Variants in LONRF2 observed in about 807,000 individuals in gnomAD.
LONRF2 encodes the protein LON peptidase N-terminal domain and RING finger protein 2.
In LONRF2, 35 loss-of-function variants were observed where a neutral mutation model predicts 66.6. That is an observed-to-expected ratio of 0.53 (90% confidence interval 0.40 to 0.70). LONRF2 has a LOEUF of 0.70. Among genes scored for constraint, LONRF2 ranks in the 30% least tolerant of loss-of-function variants. LONRF2 has a pLI of 0.00. For missense variants in LONRF2, 902 were observed against 1,002.1 expected (o/e 0.90, Z 1.35); for synonymous variants, 417 against 418.1 (o/e 1.00, Z 0.03).
intron 1 of LONRF2, among the ~76,000 whole-genome samples, chr2:100,319,547 C>A (rs1675580285): frequency 1.3e-5 from 2 of 152,180 alleles, no homozygotes; most frequent in South Asian, 4.1e-4. Flanking sequence ...GTCCTTACTT[C>A]TAACATCCTA....
At chr2:100,308,409 G>A (rs1675340085) in intron 2 of LONRF2, among the ~76,000 whole-genome samples, 1 of 152,118 alleles carries the variant, frequency 6.6e-6, no homozygotes, top group African/African-American at 2.4e-5. Context: ...TCTCTTTAAT[G>A]TTTATAAAAC....
Position 100,277,383 on chromosome 2 carries a change from T to A in LONRF2, c.*6915A>T, listed in dbSNP as rs1674621847. 1 of 152,104 alleles carries A rather than the reference T, an allele frequency of 6.6e-6. No individual in the cohort carries two copies. The highest frequency in any genetic ancestry group is 2.1e-4 in the South Asian group (1 of 4,822). The allele number at this position is 152,104 out of a possible 1,614,324, so 9.4% of individuals were successfully genotyped here. A position where few individuals can be genotyped will look rare whatever the true frequency, so the allele number is the denominator to read the frequency against. On this transcript the variant is annotated 3_prime_UTR_variant, in exon 12 of 12. Transcript: ENST00000393437. ...CAAAGACCTAAGCCTAGGACCCCAA[T>A]CTCCAACTGTCCATTATAAACACCT...
At position 100,277,058 on chromosome 2, in the gene LONRF2, A is replaced by G. The variant is rs1674615883; in HGVS notation, c.*7240T>C. The G allele has an allele frequency of 6.6e-6, 1 of 152,208 alleles. No individual in the cohort carries two copies. Among genetic ancestry groups the G allele is most frequent in the African/African-American group, 2.4e-5 (1 of 41,452 alleles). 9.4% of individuals were successfully genotyped at this position (152,208 alleles called of 1,614,324 possible). On this transcript the variant is annotated 3_prime_UTR_variant, in exon 12 of 12. Coordinates refer to ENST00000393437, the MANE Select transcript of LONRF2 (RefSeq NM_198461.4). The stretch of plus-strand genomic sequence containing the variant: ...AATGTAGTCCTCATTTACAAATTTT[A>G]CTTAATCTTCTTGCTGCTGCTTACA...
At position 100,284,025 on chromosome 2, in the gene LONRF2, ACT is replaced by A; in HGVS notation, c.*271_*272del. 2 of 336,066 alleles carry A rather than the reference ACT, an allele frequency of 6.0e-6. No individual in the cohort carries two copies. The highest frequency in any genetic ancestry group is 5.5e-5 in the South Asian group (1 of 18,318). The allele number at this position is 336,066 out of a possible 1,614,324, so 20.8% of individuals were successfully genotyped here. A position where few individuals can be genotyped will look rare whatever the true frequency, so the allele number is the denominator to read the frequency against. Reference sequence around the variant, plus strand: ...CTGCAGGGTCCTGTGCTGTCAGTGAACTGCATTCCCCAAGCACCTGCTTCTAA... The same window carrying A: ...CTGCAGGGTCCTGTGCTGTCAGTGAAGCATTCCCCAAGCACCTGCTTCTAA... On this transcript the variant is annotated 3_prime_UTR_variant, in exon 12 of 12. Coordinates refer to ENST00000393437, the MANE Select transcript of LONRF2 (RefSeq NM_198461.4).
intron 2 of LONRF2, among the ~76,000 whole-genome samples, chr2:100,303,814 A>T (rs1367427248): frequency 6.6e-6 from 1 of 152,174 alleles, no homozygotes; most frequent in African/African-American, 2.4e-5. Context: ...ATTGCTTATA[A>T]GTTGAGTTAA....
chr2:100,301,873 T>G (rs1422447676), intron 3 of LONRF2, among the ~76,000 whole-genome samples: 1 of 152,210 alleles, frequency 6.6e-6, no homozygotes, highest in East Asian at 1.9e-4. Flanking sequence ...GATAGCTGAA[T>G]AGCAGGCTGA....
At chr2:100,293,446 G>A (rs1573113414) in intron 9 of LONRF2, among the ~76,000 whole-genome samples, 1 of 152,320 alleles carries the variant, frequency 6.6e-6, no homozygotes, top group East Asian at 1.9e-4. Context: ...GTGAACAGGA[G>A]GCAGCCCCCT....
At chr2:100,320,837 G>T (rs145889824) in intron 1 of LONRF2, among the ~76,000 whole-genome samples, 1 of 152,240 alleles carries the variant, frequency 6.6e-6, no homozygotes, top group Non-Finnish European at 1.5e-5. Flanking sequence ...ATGACTGAAT[G>T]AACAATTTAA....
At chr2:100,308,936 T>A (rs1315876009) in intron 2 of LONRF2, among the ~76,000 whole-genome samples, 171 bp downstream of exon 2, 2 of 152,246 alleles carry the variant, frequency 1.3e-5, no homozygotes, top group Non-Finnish European at 1.5e-5. Flanking sequence ...AGATTTAGTC[T>A]TTTAAATTAG....
intron 10 of LONRF2, 28 bp downstream of exon 10, chr2:100,290,230 T>C (rs1674930997): frequency 3.1e-6 from 5 of 1,590,716 alleles, no homozygotes; most frequent in Non-Finnish European, 3.4e-6. Flanking sequence ...CCGACTGCTA[T>C]AAAATACACC....
chr2:100,291,917 A>T (rs1573112634), intron 9 of LONRF2, among the ~76,000 whole-genome samples: 1 of 152,264 alleles, frequency 6.6e-6, no homozygotes, highest in South Asian at 2.1e-4. Context: ...ATATATACGA[A>T]TTCAAGCCCA....
chr2:100,289,498 C>G (rs1250462034), intron 10 of LONRF2, among the ~76,000 whole-genome samples: 1 of 139,984 alleles, frequency 7.1e-6, no homozygotes, highest in Middle Eastern at 4.1e-3. Context: ...TGCAGTGGCA[C>G]GATCTCAGCT....
chr2:100,278,096 C>T lies in LONRF2; in HGVS notation c.*6202G>A, dbSNP rs1274851401. ...GAAGACACACAATGGTCTCCTCAAA[C>T]AACTCCATTTCAAATTCTGGTCTGC... is the stretch of plus-strand genomic sequence containing the variant. On this transcript the variant is annotated 3_prime_UTR_variant, in exon 12 of 12. Coordinates refer to ENST00000393437, the MANE Select transcript of LONRF2 (RefSeq NM_198461.4). 1 of 152,188 alleles carries T rather than the reference C, an allele frequency of 6.6e-6. No individual in the cohort carries two copies. The highest frequency in any genetic ancestry group is 2.1e-4 in the South Asian group (1 of 4,820). 9.4% of individuals were successfully genotyped at this position (152,188 alleles called of 1,614,324 possible).
intron 1 of LONRF2, among the ~76,000 whole-genome samples, chr2:100,320,749 A>C (rs950234096): frequency 6.6e-6 from 1 of 152,224 alleles, no homozygotes; most frequent in Non-Finnish European, 1.5e-5. Flanking sequence ...CTTTCAGCTA[A>C]ATAGTGTTAA....
chr2:100,321,535 G>T lies in LONRF2; in HGVS notation c.559C>A (p.Leu187Met), dbSNP rs772001524. Residue 187 changes from leucine (L) to methionine (M), a missense_variant, in exon 1 of 12, where the codon CTG becomes ATG. Around this residue, in one of 2 missense-constraint regions of LONRF2, gnomAD observed 585 missense variants for 569.9 expected, o/e 1.03. Transcript: ENST00000393437. The part of the protein sequence containing the change: ...RRVNVVLSGL[L>M]EKCFPAECRL... Reference sequence around the variant, plus strand: ...CACTCGGCCGGGAAGCACTTCTCCAGCAGGCCGCTCAGCACCACGTTCACG... The same window carrying T: ...CACTCGGCCGGGAAGCACTTCTCCATCAGGCCGCTCAGCACCACGTTCACG... 3.2e-6 allele frequency: 5 copies of T among 1,552,340 alleles called. No homozygotes were observed. In the African/African-American group the frequency reaches 7.1e-5, roughly 22 times the overall value.
Position 100,322,142 on chromosome 2 carries a change from G to A in LONRF2, c.-49C>T. On this transcript the variant is annotated 5_prime_UTR_variant, in exon 1 of 12. Coordinates refer to ENST00000393437, the MANE Select transcript of LONRF2 (RefSeq NM_198461.4). ...GGTCCGGAGCGAAGGCGCGGAGCAG[G>A]GAGGATGCGCTGCTGCTGGGAACTG... 2 of 1,222,132 alleles carry A rather than the reference G, an allele frequency of 1.6e-6. No homozygotes were observed. Among genetic ancestry groups the A allele is most frequent in the Non-Finnish European group, 2.0e-6 (2 of 980,520 alleles). The allele number at this position is 1,222,132 out of a possible 1,614,324, so 75.7% of individuals were successfully genotyped here. A position where few individuals can be genotyped will look rare whatever the true frequency, so the allele number is the denominator to read the frequency against.
rs1559184986 is a variant in LONRF2, at chr2:100,321,583, G to C, written c.511C>G (p.Pro171Ala). ...TVCKRCVEPG[P>A]ARPQVRRVNV... ...ACGCGCCGCACCTGCGGCCGCGCGG[G>C]CCCTGGCTCCACGCAGCGCTTGCAG... is the stretch of plus-strand genomic sequence containing the variant. The change falls in exon 1 of 12, where the codon CCC becomes GCC. Residue 171 changes from proline (P) to alanine (A), a missense_variant. Pro to Ala is a conservative substitution (Grantham distance 27). This residue lies in a region of LONRF2 where 585 missense variants were observed against 569.9 expected (regional missense o/e 1.03). Coordinates refer to ENST00000393437, the MANE Select transcript of LONRF2 (RefSeq NM_198461.4). 7 of 1,530,222 alleles carry C rather than the reference G, an allele frequency of 4.6e-6. No individual in the cohort carries two copies. Among genetic ancestry groups the C allele is most frequent in the Non-Finnish European group, 6.1e-6 (7 of 1,150,916 alleles). The allele number at this position is 1,530,222 out of a possible 1,614,324, so 94.8% of individuals were successfully genotyped here. A position where few individuals can be genotyped will look rare whatever the true frequency, so the allele number is the denominator to read the frequency against.
At chr2:100,292,911 C>T (rs1674991185) in intron 9 of LONRF2, among the ~76,000 whole-genome samples, 1 of 152,096 alleles carries the variant, frequency 6.6e-6, no homozygotes, top group African/African-American at 2.4e-5. Context: ...TTTCTGGGCA[C>T]CCTTTACTGA....
At chr2:100,293,307 C>T (rs1158756439) in intron 9 of LONRF2, among the ~76,000 whole-genome samples, 1 of 152,154 alleles carries the variant, frequency 6.6e-6, no homozygotes, top group Non-Finnish European at 1.5e-5. Flanking sequence ...AAAGGTCCTA[C>T]ACATATTTTA....
Sources: gnomAD v4.1 joint callset for allele counts (sites outside exome capture counted in the v4.1 genomes callset) on GRCh38, gnomAD v4.1.1 for gene constraint, gnomAD v4.1.1 regional missense constraint, MANE v1.5 for transcripts, NCBI Gene and HGNC (gene_info 2026-07-23, HGNC 2026-07-21) for gene names.